PCNT: variants seen among roughly 807,000 people sequenced by gnomAD.
The protein encoded by PCNT is pericentrin, also known as kendrin.
In PCNT, 319 loss-of-function variants were observed where a neutral mutation model predicts 380.4. That is an observed-to-expected ratio of 0.84 (90% CI 0.77 to 0.92). The LOEUF (loss-of-function observed/expected upper bound fraction) is 0.92. Ranked by LOEUF, PCNT falls within the 40% of genes least tolerant of loss-of-function variation. PCNT has a pLI of 0.00. For missense variants in PCNT, 4,400 were observed against 4,255.3 expected, an observed-to-expected ratio of 1.03 and a Z score of -0.95; for synonymous variants, 1,845 against 1,735.2, an observed-to-expected ratio of 1.06 and a Z score of -1.57.
At chr21:46,420,410 C>T (rs754245801) in intron 31 of PCNT, 2 of 152,154 alleles carry the variant, frequency 1.3e-5, no homozygotes, top group Non-Finnish European at 2.9e-5. Flanking sequence ...TTTCTGTGCT[C>T]ATATTTTAAA....
intron 21 of PCNT, 67 bp from the exon 22 acceptor site, chr21:46,397,198 G>T (rs1663166210): frequency 8.3e-7 from 1 of 1,202,032 alleles, no homozygotes. Flanking sequence ...ATCAGGAGAT[G>T]CACGTGTCAT....
At chr21:46,370,959 C>T (rs921879075) in intron 15 of PCNT, among the ~76,000 whole-genome samples, 7 of 152,226 alleles carry the variant, frequency 4.6e-5, no homozygotes, top group African/African-American at 1.7e-4. Flanking sequence ...GGTGTGAACC[C>T]GGGAGGCGGA....
Position 46,398,265 on chromosome 21 carries a change from CGTCAACGAGATG to C in PCNT, c.4584+12_4584+23del. ...GCCGCTGGATGGAGAGGTGAGGAGG[CGTCAACGAGATG>C]GGCACTCCCTGCGCTGGCGCCCAGG... On this transcript the variant is annotated intron_variant, in intron 24 of 46. Coordinates refer to ENST00000359568, the MANE Select transcript of PCNT (RefSeq NM_006031.6). 6.2e-7 allele frequency: 1 copy of C among 1,602,184 alleles called. No individual in the cohort carries two copies. The highest frequency in any genetic ancestry group is 8.5e-7 in the Non-Finnish European group (1 of 1,175,700).
chr21:46,445,441 A>T lies in PCNT; in HGVS notation c.*114A>T. 1.2e-6 allele frequency: 1 copy of T among 844,724 alleles called. No individual in the cohort carries two copies. Among genetic ancestry groups the T allele is most frequent in the Non-Finnish European group, 2.1e-6 (1 of 479,246 alleles). 52.3% of individuals were successfully genotyped at this position (844,724 alleles called of 1,614,324 possible). A position where few individuals can be genotyped will look rare whatever the true frequency, so the allele number is the denominator to read the frequency against. ...TGGGCACTACTCTTCATGTGCGGTG[A>T]CACCAGCCCCCAGATGCCTTGAATT... On this transcript the variant is annotated 3_prime_UTR_variant, in exon 47 of 47. Coordinates refer to ENST00000359568, the MANE Select transcript of PCNT (RefSeq NM_006031.6).
intron 44 of PCNT, among the ~76,000 whole-genome samples, chr21:46,443,476 T>G (rs948499109): frequency 1.1e-4 from 16 of 152,200 alleles, no homozygotes; most frequent in African/African-American, 3.9e-4. Flanking sequence ...TTTGCCCCTC[T>G]GAGTCACACC....
intron 13 of PCNT, among the ~76,000 whole-genome samples, chr21:46,359,166 T>A (rs2084592940): frequency 1.3e-5 from 2 of 152,028 alleles, no homozygotes; most frequent in Admixed American, 6.6e-5. Flanking sequence ...TTGGCCAGGC[T>A]GGTCTCAAAC....
chr21:46,353,815 CGT>C (rs1198928688), intron 10 of PCNT, among the ~76,000 whole-genome samples, 170 bp from the exon 11 acceptor site: 1 of 151,708 alleles, frequency 6.6e-6, no homozygotes, highest in Non-Finnish European at 1.5e-5. Flanking sequence ...GTCCCTGTGC[CGT>C]GTCTCTGGCT....
At chr21:46,440,377 G>A (rs1238002953) in intron 42 of PCNT, among the ~76,000 whole-genome samples, 175 bp downstream of exon 42, 1 of 152,214 alleles carries the variant, frequency 6.6e-6, no homozygotes, top group African/African-American at 2.4e-5. Context: ...TGTTTTAATT[G>A]TGCACAAATA....
At chr21:46,354,700 C>T (rs1243465538) in intron 11 of PCNT, among the ~76,000 whole-genome samples, 2 of 152,122 alleles carry the variant, frequency 1.3e-5, no homozygotes, top group Admixed American at 6.5e-5. Flanking sequence ...GAGGGGAACT[C>T]GGGGCATCTG....
At position 46,379,745 on chromosome 21, in the gene PCNT, T is replaced by C. The variant is rs542449955; in HGVS notation, c.3166-1949T>C. Among the ~76,000 whole-genome samples, 151 of 152,270 alleles carry C rather than the reference T, an allele frequency of 9.9e-4. 3 individuals are homozygous for C. The South Asian group carries it at 0.018, about 18-fold the overall frequency. On this transcript the variant is annotated intron_variant, in intron 15 of 46. Coordinates refer to ENST00000359568, the MANE Select transcript of PCNT (RefSeq NM_006031.6). ...AACCCCTCTCTAGTGAATTTTTTTTTCTGTGATTGTATTTTTCAGCTCCAG... is the reference window on the plus strand; with the variant it reads ...AACCCCTCTCTAGTGAATTTTTTTTCCTGTGATTGTATTTTTCAGCTCCAG...
At chr21:46,421,924 C>G in intron 31 of PCNT, 46 bp from the exon 32 acceptor site, 1 of 1,608,694 alleles carries the variant, frequency 6.2e-7, no homozygotes, top group Non-Finnish European at 8.5e-7. Flanking sequence ...CCTGGGGAAC[C>G]CCCTGGAGAG....
chr21:46,355,545 C>T lies in PCNT; in HGVS notation c.1855C>T (p.His619Tyr), dbSNP rs2084441899. The T allele has an allele frequency of 6.2e-7, 1 of 1,614,162 alleles. No homozygotes were observed. Among genetic ancestry groups the T allele is most frequent in the Non-Finnish European group, 8.5e-7 (1 of 1,180,014 alleles). ...ESPLCIQHEGHVSDRCCVETS... is the reference protein window; with the variant it reads ...ESPLCIQHEGYVSDRCCVETS... ...TCCCCTCTGCATCCAGCACGAGGGGCATGTCTCAGACAGATGCTGCGTAGA... is the reference window on the plus strand; with the variant it reads ...TCCCCTCTGCATCCAGCACGAGGGGTATGTCTCAGACAGATGCTGCGTAGA... Residue 619 changes from histidine to tyrosine, a missense_variant, in exon 12 of 47, where the codon CAT (histidine) becomes TAT (tyrosine). Physicochemically the swap from His to Tyr is moderately conservative, Grantham distance 83. Transcript: ENST00000359568.
At chr21:46,440,264 G>T in intron 42 of PCNT, 62 bp downstream of exon 42, 1 of 1,586,412 alleles carries the variant, frequency 6.3e-7, no homozygotes, top group African/African-American at 1.3e-5. Flanking sequence ...TTTGCAAATT[G>T]CAGGCAAAGC....
In PCNT at chr21:46,357,986, C is replaced by T. The variant is rs569718672; in HGVS notation, c.2154+795C>T. ...TGACAAAGCAACACGACAGCAGCCT[C>T]CACATGGCCCGATGGGCTTGGTTAC... is the stretch of plus-strand genomic sequence containing the variant. On this transcript the variant is annotated intron_variant, in intron 13 of 46. Transcript: ENST00000359568. Among the ~76,000 whole-genome samples, 42 of 152,396 alleles carry T rather than the reference C, an allele frequency of 2.8e-4. 1 individual carries two copies. In the South Asian group the frequency reaches 8.5e-3, roughly 31 times the overall value.
chr21:46,366,803 T>C lies in PCNT; in HGVS notation c.2829T>C (p.Ala943=), dbSNP rs1181438695. The C allele has an allele frequency of 6.2e-7, 1 of 1,613,820 alleles. No individual in the cohort carries two copies. The highest frequency in any genetic ancestry group is 1.1e-5 in the South Asian group (1 of 91,086). Residue 943 remains alanine (A), a synonymous_variant, in exon 15 of 47, where the codon GCT becomes GCC. Transcript: ENST00000359568. Reference sequence around the variant, plus strand: ...AGAGCAAGCAGGGGGCTCTGCTGGCTGCACGTGTGGCCGAACTGCAGACAA... The same window carrying C: ...AGAGCAAGCAGGGGGCTCTGCTGGCCGCACGTGTGGCCGAACTGCAGACAA... ...SLESKQGALL[A]ARVAELQTKH... is the part of the protein sequence containing the mutation.
intron 27 of PCNT, among the ~76,000 whole-genome samples, chr21:46,407,128 A>G (rs2086642842): frequency 6.6e-6 from 1 of 152,178 alleles, no homozygotes; most frequent in Non-Finnish European, 1.5e-5. Flanking sequence ...TATTTAACAT[A>G]GCTGGGATTT....
intron 5 of PCNT, 152 bp from the exon 6 acceptor site, chr21:46,347,305 T>C: frequency 2.5e-6 from 2 of 813,328 alleles, no homozygotes; most frequent in Non-Finnish European, 4.2e-6. Context: ...CAGTTTGTTA[T>C]TAAAGCCAAG....
intron 15 of PCNT, among the ~76,000 whole-genome samples, chr21:46,374,999 A>T (rs113126944): frequency 6.6e-6 from 1 of 152,200 alleles, no homozygotes; most frequent in African/African-American, 2.4e-5. Context: ...ACCTGTTGGA[A>T]CAGCAGTCAC....
In PCNT at chr21:46,363,608, G is replaced by A; in HGVS notation, c.2283G>A (p.Arg761=). Residue 761 remains arginine, a synonymous_variant, in exon 14 of 47, where the codon CGG becomes CGA. Transcript: ENST00000359568. ...AAGTTATGAAGGAGGAGCTACAGCG[G>A]GAAGCTGAGGAGAAGTTAACATTGA... ...DWKVMKEELQ[R]EAEEKLTLML... 2 of 1,614,194 alleles carry A rather than the reference G, an allele frequency of 1.2e-6. No homozygotes were observed. The highest frequency in any genetic ancestry group is 1.7e-6 in the Non-Finnish European group (2 of 1,180,022).
Sources: allele counts gnomAD v4.1 joint callset (sites outside exome capture counted in the v4.1 genomes callset), GRCh38; gene constraint gnomAD v4.1.1; transcripts MANE v1.5; gene names NCBI Gene and HGNC (gene_info 2026-07-23, HGNC 2026-07-21).